The following LINS1 variants were observed in gnomAD, a reference collection of about 807,000 sequenced individuals.
LINS1 encodes the protein protein Lines homolog 1.
Under a neutral mutation model 41.6 loss-of-function variants are expected in LINS1, and 27 were observed. That is an observed-to-expected ratio of 0.65 (90% CI 0.48 to 0.89). The LOEUF (loss-of-function observed/expected upper bound fraction) is 0.89, where lower values mean the gene tolerates loss of function less well. Among genes scored for constraint, LINS1 ranks in the 40% least tolerant of loss-of-function variants. The pLI is 0.00. For synonymous variants in LINS1, 336 were observed against 312.9 expected (o/e 1.07, Z -0.78); for missense variants, 955 against 884.1 (o/e 1.08, Z -1.02).
At chr15:100,570,403 G>C in intron 6 of LINS1, 1 of 290,002 alleles carries the variant, frequency 3.4e-6, no homozygotes. Flanking sequence ...CATTCTTATA[G>C]GTAACCAATT....
chr15:100,570,028 AAAATACAGTGAGG>A lies in LINS1; in HGVS notation c.1471_1483del (p.Pro491SerfsTer5). ...TCCTATATTTTTCAAGAAGAACAAG[AAAATACAGTGAGG>A]ATTATAGCCATTTTCATGTGTGTGA... is the stretch of plus-strand genomic sequence containing the variant. On this transcript the variant is annotated frameshift_variant, in exon 7 of 7. Transcript: ENST00000314742. LOFTEE classifies it low-confidence loss of function (END_TRUNC). 6.4e-7 allele frequency: 1 copy of A among 1,556,072 alleles called. No homozygotes were observed. Among genetic ancestry groups the A allele is most frequent in the Non-Finnish European group, 8.6e-7 (1 of 1,157,578 alleles).
At chr15:100,571,706 C>T (rs1188983337) in intron 6 of LINS1, among the ~76,000 whole-genome samples, 188 bp downstream of exon 6, 1 of 152,208 alleles carries the variant, frequency 6.6e-6, no homozygotes, top group Admixed American at 6.5e-5. Context: ...ACTGCCCAGC[C>T]AGCCAGGTTT....
Position 100,569,870 on chromosome 15 carries a change from T to C in LINS1, c.1642A>G (p.Thr548Ala), listed in dbSNP as rs769884641. 3.7e-6 allele frequency: 6 copies of C among 1,614,042 alleles called. No homozygotes were observed. The highest frequency in any genetic ancestry group is 1.1e-5 in the South Asian group (1 of 91,048). ...FFTICNNFDA[T>A]ESKYDISICG... ...ATACTTATGTCATATTTAGATTCAG[T>C]TGCATCAAAGTTATTGCAAATGGTG... Residue 548 changes from threonine to alanine, a missense_variant, in exon 7 of 7, where the codon ACT becomes GCT. Coordinates refer to ENST00000314742, the MANE Select transcript of LINS1 (RefSeq NM_001040616.3).
Position 100,580,348 on chromosome 15 carries a change from C to T in LINS1, c.404G>A (p.Cys135Tyr). 1 of 1,611,830 alleles carries T rather than the reference C, an allele frequency of 6.2e-7. No homozygotes were observed. Among genetic ancestry groups the T allele is most frequent in the Non-Finnish European group, 8.5e-7 (1 of 1,178,306 alleles). Residue 135 changes from cysteine to tyrosine, a missense_variant, in exon 3 of 7, where the codon TGC (cysteine) becomes TAC (tyrosine). Coordinates refer to ENST00000314742, the MANE Select transcript of LINS1 (RefSeq NM_001040616.3). ...ESAKVDSKLI[C>Y]MFQNSDKLLS... ...CAATTTATCTGAATTTTGGAACATG[C>T]AGATCTACAGGAAAACAAATATAAT...
intron 1 of LINS1, among the ~76,000 whole-genome samples, chr15:100,601,534 A>C (rs1029453944): frequency 6.6e-6 from 1 of 152,146 alleles, no homozygotes. Context: ...TGAAGGGGAC[A>C]GATATTCACA....
rs1289628339 is a variant in LINS1, at chr15:100,572,019, A to G, written c.1269T>C (p.Pro423=). ...GTAATTGCAGAGAGGGCTGAAGATG[A>G]GGCTTTAAGAAGGTCAGTAACTCAG... ...FMSELLTFLK[P]HLQPSLQLHN... is the part of the protein sequence containing the mutation. The change falls in exon 6 of 7, where the codon CCT becomes CCC. Residue 423 remains proline, a synonymous_variant. Transcript: ENST00000314742. The G allele has an allele frequency of 6.2e-7, 1 of 1,614,230 alleles. No homozygotes were observed. Among genetic ancestry groups the G allele is most frequent in the Non-Finnish European group, 8.5e-7 (1 of 1,180,036 alleles).
In LINS1 at chr15:100,569,084, C is replaced by G. The variant is rs1567708517; in HGVS notation, c.*154G>C. Reference sequence around the variant, plus strand: ...GGTTGCAGTGAGTCGAGTCACGCCACTGCACTCCGGCCTGAGCGACAGAAT... The same window carrying G: ...GGTTGCAGTGAGTCGAGTCACGCCAGTGCACTCCGGCCTGAGCGACAGAAT... On this transcript the variant is annotated 3_prime_UTR_variant, in exon 7 of 7. Coordinates refer to ENST00000314742, the MANE Select transcript of LINS1 (RefSeq NM_001040616.3). 1 of 535,644 alleles carries G rather than the reference C, an allele frequency of 1.9e-6. No individual in the cohort carries two copies. Among genetic ancestry groups the G allele is most frequent in the Non-Finnish European group, 3.2e-6 (1 of 309,726 alleles). 33.2% of individuals were successfully genotyped at this position (535,644 alleles called of 1,614,324 possible).
chr15:100,591,292 A>G lies in LINS1; in HGVS notation c.-103-10347T>C, dbSNP rs575582232. 1.1e-4 allele frequency among the ~76,000 whole-genome samples: 17 copies of G among 152,360 alleles called. No individual in the cohort carries two copies. In the East Asian group the frequency reaches 3.3e-3, roughly 29 times the overall value. On this transcript the variant is annotated intron_variant, in intron 1 of 6. Transcript: ENST00000314742. ...TAGAATGTCAAATGGTCTCTCTTCA[A>G]CTGGAATGACAAGAGCTGAAAGAAA...
At chr15:100,595,843 G>A (rs1311036560) in intron 1 of LINS1, among the ~76,000 whole-genome samples, 1 of 152,196 alleles carries the variant, frequency 6.6e-6, no homozygotes, top group Non-Finnish European at 1.5e-5. Context: ...AAGATGCAGT[G>A]ACAACTGTCG....
chr15:100,591,192 GA>G (rs1170507953), intron 1 of LINS1, among the ~76,000 whole-genome samples: 1 of 151,782 alleles, frequency 6.6e-6, no homozygotes, highest in Non-Finnish European at 1.5e-5. Flanking sequence ...AATAAAATAG[GA>G]AAAAAAATAA....
chr15:100,577,972 T>C (rs896453781), intron 3 of LINS1, among the ~76,000 whole-genome samples: 6 of 152,186 alleles, frequency 3.9e-5, no homozygotes, highest in South Asian at 2.1e-4. Flanking sequence ...GCTAGCCATA[T>C]GTAGAAAGCT....
intron 1 of LINS1, among the ~76,000 whole-genome samples, chr15:100,587,532 T>C (rs2038863149): frequency 6.6e-6 from 1 of 152,216 alleles, no homozygotes; most frequent in Non-Finnish European, 1.5e-5. Flanking sequence ...TTTTCATTCA[T>C]TTGCTGTTTA....
intron 1 of LINS1, among the ~76,000 whole-genome samples, chr15:100,599,693 G>C (rs1166799371): frequency 6.6e-6 from 1 of 151,976 alleles, no homozygotes; most frequent in Non-Finnish European, 1.5e-5. Context: ...CCTTCTTTTT[G>C]GGAGTTCAAA....
chr15:100,600,278 G>T (rs1193815509), intron 1 of LINS1, among the ~76,000 whole-genome samples: 1 of 152,124 alleles, frequency 6.6e-6, no homozygotes, highest in Non-Finnish European at 1.5e-5. Flanking sequence ...AGACCAAATG[G>T]AGGAGAGACT....
At chr15:100,575,159 A>C in intron 3 of LINS1, 31 bp from the exon 4 acceptor site, 1 of 1,587,046 alleles carries the variant, frequency 6.3e-7, no homozygotes, top group East Asian at 2.2e-5. Context: ...CAAGCAGTTA[A>C]AATACAATAT....
chr15:100,578,816 ACATATACAC>A (rs2038350125), intron 3 of LINS1, among the ~76,000 whole-genome samples: 2 of 152,176 alleles, frequency 1.3e-5, no homozygotes, highest in Non-Finnish European at 2.9e-5. Flanking sequence ...AAAATGTGGC[ACATATACAC>A]CATGGAATAC....
chr15:100,591,725 A>G (rs924513817), intron 1 of LINS1, among the ~76,000 whole-genome samples: 4 of 152,202 alleles, frequency 2.6e-5, no homozygotes, highest in Non-Finnish European at 1.5e-5. Flanking sequence ...ATCAAGCTTC[A>G]GATGATCATG....
At chr15:100,573,183 C>T (rs909541669) in intron 5 of LINS1, 4 of 169,966 alleles carry the variant, frequency 2.4e-5, no homozygotes, top group South Asian at 1.8e-4. Context: ...TGCAGGTGTG[C>T]GATGGGTCGC....
At chr15:100,573,314 TAAAA>T in intron 5 of LINS1, 4 of 856,692 alleles carry the variant, frequency 4.7e-6, no homozygotes, top group Non-Finnish European at 5.8e-6. Flanking sequence ...CAGTTTAGAT[TAAAA>T]AAAAAAAAAG....
Sources: allele counts gnomAD v4.1 joint callset (sites outside exome capture counted in the v4.1 genomes callset), GRCh38; gene constraint gnomAD v4.1.1; transcripts MANE v1.5; gene names NCBI Gene and HGNC (gene_info 2026-07-23, HGNC 2026-07-21).